The following SLC67A1 variants were observed in gnomAD, a reference collection of about 807,000 sequenced individuals.
The protein encoded by SLC67A1 is solute carrier family 67 member A1.
chr11:2,909,652 T>C, the SLC67A1 span: 2 of 1,537,630 alleles, frequency 1.3e-6, no homozygotes, highest in African/African-American at 1.4e-5. Context: ...GGGCCTCTGC[T>C]TCGGCGTCGG....
the SLC67A1 span, among the ~76,000 whole-genome samples, chr11:2,904,780 T>C: frequency 3.9e-5 from 6 of 152,054 alleles, no homozygotes; most frequent in African/African-American, 7.2e-5. Context: ...GTCTTCCTCA[T>C]AGAGAAGGCA....
At chr11:2,916,706 A>G in the SLC67A1 span, 5 of 1,613,150 alleles carry the variant, frequency 3.1e-6, no homozygotes, top group Admixed American at 8.3e-5. Flanking sequence ...CCAGCACCAA[A>G]GGGGCCAAAA....
At chr11:2,906,197 G>A in the SLC67A1 span, among the ~76,000 whole-genome samples, 1,589 of 152,308 alleles carry the variant, frequency 0.01, 28 homozygotes, top group African/African-American at 0.036. Flanking sequence ...TTAGAATGGC[G>A]ATCATGAAAA....
chr11:2,925,136 C>T, the SLC67A1 span: 1 of 1,613,888 alleles, frequency 6.2e-7, no homozygotes, highest in Non-Finnish European at 8.5e-7. This position sits in a 1 kb window ranked among gnomAD's most constrained non-coding sequence, Gnocchi z 6.5. Context: ...GCTATCAATA[C>T]CCTTGTCCTC....
chr11:2,907,899 C>T, the SLC67A1 span, among the ~76,000 whole-genome samples: 4 of 152,204 alleles, frequency 2.6e-5, no homozygotes, highest in South Asian at 2.1e-4. This position sits in a 1 kb window ranked among gnomAD's most constrained non-coding sequence, Gnocchi z 6.7. Context: ...GACACTGCTG[C>T]TGGCGTCCCC....
chr11:2,913,194 C>T, the SLC67A1 span, among the ~76,000 whole-genome samples: 5 of 152,132 alleles, frequency 3.3e-5, no homozygotes, highest in East Asian at 1.9e-4. Context: ...GGCCCGCCGC[C>T]CCCCCAGCCA....
the SLC67A1 span, chr11:2,903,542 C>A: frequency 1.3e-6 from 2 of 1,595,896 alleles, no homozygotes; most frequent in Non-Finnish European, 1.7e-6. Context: ...AACCGCTGTT[C>A]CTCCTGCCCT....
At chr11:2,919,534 G>A in the SLC67A1 span, 3 of 682,136 alleles carry the variant, frequency 4.4e-6, no homozygotes, top group East Asian at 8.0e-5. Flanking sequence ...GCACATGTCA[G>A]GGTCCACAGG....
chr11:2,918,167 T>G, the SLC67A1 span: 2 of 1,151,346 alleles, frequency 1.7e-6, no homozygotes, highest in Non-Finnish European at 2.5e-6. Context: ...GGCCCGGCCC[T>G]TCCTCTGGCC....
At chr11:2,922,254 G>C in the SLC67A1 span, 1,048 of 1,558,336 alleles carry the variant, frequency 6.7e-4, 24 homozygotes, top group South Asian at 0.011. Context: ...CACTGGGCAA[G>C]GCCACCTGGG....
chr11:2,923,518 A>C, the SLC67A1 span, among the ~76,000 whole-genome samples: 3 of 152,156 alleles, frequency 2.0e-5, no homozygotes, highest in Non-Finnish European at 4.4e-5. This position sits in a 1 kb window ranked among gnomAD's most constrained non-coding sequence, Gnocchi z 6.5. Flanking sequence ...CAGCAGACCA[A>C]GGTCTAGAGG....
At chr11:2,922,593 G>A in the SLC67A1 span, 1 of 1,563,516 alleles carries the variant, frequency 6.4e-7, no homozygotes, top group East Asian at 2.3e-5. Context: ...CCTCCTCCAG[G>A]AAGCCCTAGG....
the SLC67A1 span, chr11:2,919,364 C>T: frequency 6.2e-7 from 1 of 1,613,934 alleles, no homozygotes; most frequent in Non-Finnish European, 8.5e-7. Context: ...CTGGAGGCCG[C>T]CCAAGCTGGC....
the SLC67A1 span, chr11:2,925,020 G>C: frequency 6.2e-7 from 1 of 1,611,066 alleles, no homozygotes; most frequent in African/African-American, 1.3e-5. The surrounding 1 kb of genome is among the most constrained non-coding windows in gnomAD (Gnocchi z 6.5). Context: ...GGACCATGCT[G>C]GGCCTCTGCG....
the SLC67A1 span, chr11:2,908,132 G>T: frequency 1.3e-6 from 1 of 748,262 alleles, no homozygotes; most frequent in East Asian, 2.6e-5. Flanking sequence ...ACAGAACCCA[G>T]GCCCTCGGTC....
the SLC67A1 span, chr11:2,903,230 G>A: frequency 6.6e-7 from 1 of 1,516,312 alleles, no homozygotes; most frequent in South Asian, 1.3e-5. Flanking sequence ...CCAGGCGGGT[G>A]CTGCCTGGGA....
At chr11:2,924,109 G>GC in the SLC67A1 span, among the ~76,000 whole-genome samples, 2 of 152,192 alleles carry the variant, frequency 1.3e-5, no homozygotes, top group Non-Finnish European at 2.9e-5. This position sits in a 1 kb window ranked among gnomAD's most constrained non-coding sequence, Gnocchi z 8.6. Context: ...GGCGAGTGCT[G>GC]CCCCCCTTGT....
chr11:2,909,512 C>A, the SLC67A1 span: 1 of 634,914 alleles, frequency 1.6e-6, no homozygotes, highest in Non-Finnish European at 2.0e-6. Context: ...TGTGGAGGGG[C>A]GGGTCAGGGG....
At chr11:2,904,747 G>C in the SLC67A1 span, among the ~76,000 whole-genome samples, 1 of 152,340 alleles carries the variant, frequency 6.6e-6, no homozygotes, top group East Asian at 1.9e-4. Context: ...CACGCACAGG[G>C]GCTGCAGTGG....
Sources: gnomAD v4.1 joint callset for allele counts (sites outside exome capture counted in the v4.1 genomes callset) on GRCh38, gnomAD v4.1.1 for gene constraint, Gnocchi (gnomAD v3.1) non-coding constraint, MANE v1.5 for transcripts, NCBI Gene and HGNC (gene_info 2026-07-23, HGNC 2026-07-21) for gene names.